FAM219A: variants seen among roughly 807,000 people sequenced by gnomAD.
FAM219A encodes family with sequence similarity 219 member A, also known as protein FAM219A.
A neutral mutation model predicts 23.4 loss-of-function variants in FAM219A; 7 were observed. The ratio of observed to expected loss-of-function variants is 0.30; its 90% CI spans 0.17 to 0.56. FAM219A has a LOEUF of 0.56. Among genes scored for constraint, FAM219A ranks in the 20% least tolerant of loss-of-function variants. The pLI, the probability that FAM219A is intolerant of heterozygous loss-of-function variation, is 0.92. For missense variants in FAM219A, 166 were observed against 246.9 expected (o/e 0.67, Z 2.20); for synonymous variants, 93 against 99.0 (o/e 0.94, Z 0.36).
chr9:34,433,039 A>G (rs932469278), intron 1 of FAM219A, among the ~76,000 whole-genome samples: 1 of 152,186 alleles, frequency 6.6e-6, no homozygotes, highest in Non-Finnish European at 1.5e-5. Context: ...AGTTACAAAG[A>G]AAGTCCAGAG....
intron 1 of FAM219A, among the ~76,000 whole-genome samples, chr9:34,445,803 G>A (rs555298452): frequency 1.2e-4 from 19 of 152,282 alleles, no homozygotes; most frequent in Non-Finnish European, 2.4e-4. Flanking sequence ...TCTATAAAGT[G>A]GGCAAAATGA....
chr9:34,409,925 G>A (rs1270080540), intron 1 of FAM219A, among the ~76,000 whole-genome samples: 1 of 152,142 alleles, frequency 6.6e-6, no homozygotes, highest in Non-Finnish European at 1.5e-5. Flanking sequence ...GTTTTATTGT[G>A]GAAATTATAA....
intron 1 of FAM219A, among the ~76,000 whole-genome samples, chr9:34,410,258 T>C (rs1311168871): frequency 6.6e-6 from 1 of 152,206 alleles, no homozygotes; most frequent in Non-Finnish European, 1.5e-5. Flanking sequence ...TTTAGCTGGC[T>C]GGCCTCACTT....
chr9:34,416,970 G>C (rs915104256), intron 1 of FAM219A, among the ~76,000 whole-genome samples: 2 of 151,806 alleles, frequency 1.3e-5, no homozygotes, highest in African/African-American at 4.8e-5. Flanking sequence ...TGGGATTACA[G>C]GTACATGTCA....
chr9:34,450,221 G>A (rs143002952), intron 1 of FAM219A, among the ~76,000 whole-genome samples: 7,532 of 151,714 alleles, frequency 0.05, 272 homozygotes, highest in Non-Finnish European at 0.065. Context: ...GCTGAGGCAG[G>A]AGGATCGCTT....
chr9:34,434,583 C>T (rs1023482826), intron 1 of FAM219A, among the ~76,000 whole-genome samples: 1 of 152,146 alleles, frequency 6.6e-6, no homozygotes, highest in Non-Finnish European at 1.5e-5. Context: ...CATAAAATGG[C>T]CATACAGAAA....
intron 1 of FAM219A, among the ~76,000 whole-genome samples, chr9:34,406,896 G>A (rs1428348053): frequency 6.7e-6 from 1 of 149,030 alleles, no homozygotes; most frequent in Non-Finnish European, 1.5e-5. Flanking sequence ...TCCGCCTCCC[G>A]GTTTCAAGCA....
At chr9:34,452,290 A>G (rs184652881) in intron 1 of FAM219A, among the ~76,000 whole-genome samples, 346 of 152,278 alleles carry the variant, frequency 2.3e-3, no homozygotes, top group African/African-American at 8.2e-3. Context: ...CACAACCCCA[A>G]GAATGTAGCT....
At chr9:34,425,250 C>A (rs1822415174) in intron 1 of FAM219A, among the ~76,000 whole-genome samples, 1 of 152,070 alleles carries the variant, frequency 6.6e-6, no homozygotes, top group South Asian at 2.1e-4. Context: ...GGGGCCAAGG[C>A]AGGCAGATCA....
In FAM219A at chr9:34,442,459, T is replaced by C. The variant is rs1046476067; in HGVS notation, c.60+15745A>G. 4.5e-4 allele frequency among the ~76,000 whole-genome samples: 69 copies of C among 151,910 alleles called. 1 individual carries two copies. Among genetic ancestry groups the C allele is most frequent in the African/African-American group, 1.6e-3 (66 of 41,472 alleles). On this transcript the variant is annotated intron_variant, in intron 1 of 5. Transcript: ENST00000651358. ...CAGCACTTCGGGAGCCTGCGGCAGG[T>C]GGATCACCTGAGGTCAGGGGTTTGA...
At chr9:34,405,999 AG>A in intron 1 of FAM219A, 35 bp from the exon 2 acceptor site, 1 of 1,570,752 alleles carries the variant, frequency 6.4e-7, no homozygotes. Flanking sequence ...GAGAGTTGTT[AG>A]GGAGTGAAGA....
intron 1 of FAM219A, chr9:34,406,368 G>A: frequency 1.0e-6 from 1 of 985,412 alleles, no homozygotes; most frequent in Non-Finnish European, 1.2e-6. Flanking sequence ...TTAAGTCTGG[G>A]TTAAGGGGAG....
At chr9:34,405,616 C>T (rs1450860429) in intron 2 of FAM219A, among the ~76,000 whole-genome samples, 1 of 152,200 alleles carries the variant, frequency 6.6e-6, no homozygotes, top group African/African-American at 2.4e-5. Context: ...CCCCCTGCAG[C>T]TATGCCCCAG....
In FAM219A at chr9:34,398,306, C is replaced by G; in HGVS notation, c.*2658G>C. The G allele has an allele frequency of 6.4e-7, 1 of 1,550,860 alleles. No homozygotes were observed. The highest frequency in any genetic ancestry group is 8.7e-7 in the Non-Finnish European group (1 of 1,147,042). On this transcript the variant is annotated 3_prime_UTR_variant, in exon 6 of 6. Transcript: ENST00000651358. ...ATACACGGCTCATGTCTTCCACACA[C>G]CTTCCTGGAAATAAATTAGTGAGCA...
At position 34,400,875 on chromosome 9, in the gene FAM219A, C is replaced by G. The variant is rs1168078132; in HGVS notation, c.*89G>C. The G allele has an allele frequency of 1.5e-6, 2 of 1,353,204 alleles. No homozygotes were observed. Among genetic ancestry groups the G allele is most frequent in the African/African-American group, 3.0e-5 (2 of 66,146 alleles). The allele number at this position is 1,353,204 out of a possible 1,614,324, so 83.8% of individuals were successfully genotyped here. A position where few individuals can be genotyped will look rare whatever the true frequency, so the allele number is the denominator to read the frequency against. On this transcript the variant is annotated 3_prime_UTR_variant, in exon 6 of 6. Coordinates refer to ENST00000651358, the MANE Select transcript of FAM219A (RefSeq NM_001184940.2). ...GGCTGTAGGGGCGCGGGGCCGGGGG[C>G]AGGCAGACGAGCTGGGAAGGGGTCG...
At chr9:34,416,717 AAC>A (rs1188856456) in intron 1 of FAM219A, among the ~76,000 whole-genome samples, 1 of 150,726 alleles carries the variant, frequency 6.6e-6, no homozygotes, top group Non-Finnish European at 1.5e-5. Flanking sequence ...CAGCCTGGGC[AAC>A]AAAGTGAGAC....
In FAM219A at chr9:34,408,317, T is replaced by TGCAGCCAAAACAGCCTCTCA. The variant is rs545548346; in HGVS notation, c.61-2373_61-2354dup. On this transcript the variant is annotated intron_variant, in intron 1 of 5. Transcript: ENST00000651358. ...CTCTAGTGGCCCTGACATGCCTCTC[T>TGCAGCCAAAACAGCCTCTCA]GCAGCCAAAACAGCCTCTCAGCAGC... is the stretch of plus-strand genomic sequence containing the variant. 4.3e-3 allele frequency among the ~76,000 whole-genome samples: 656 copies of TGCAGCCAAAACAGCCTCTCA among 152,320 alleles called. 2 individuals are homozygous for TGCAGCCAAAACAGCCTCTCA. The highest frequency in any genetic ancestry group is 5.8e-3 in the Non-Finnish European group (397 of 68,024).
Position 34,458,557 on chromosome 9 carries a change from C to CA in FAM219A, c.-295dup, listed in dbSNP as rs1382120870. 3 of 395,686 alleles carry CA rather than the reference C, an allele frequency of 7.6e-6. No individual in the cohort carries two copies. Among genetic ancestry groups the CA allele is most frequent in the African/African-American group, 6.2e-5 (3 of 48,470 alleles). 24.5% of individuals were successfully genotyped at this position (395,686 alleles called of 1,614,324 possible). On this transcript the variant is annotated 5_prime_UTR_variant, in exon 1 of 6. Transcript: ENST00000651358. The surrounding 1 kb of genome is among the most constrained non-coding windows in gnomAD (Gnocchi z 6.6). ...TGCCGCCTCCTGTCAGCAGCTCAGC[C>CA]ACTGCGGTGACTCGGCAACTCCACT...
intron 1 of FAM219A, among the ~76,000 whole-genome samples, chr9:34,416,983 G>A (rs1396177460): frequency 6.6e-6 from 1 of 151,344 alleles, no homozygotes; most frequent in African/African-American, 2.4e-5. Flanking sequence ...ACATGTCACT[G>A]CACCTAGCTT....
Sources: allele counts gnomAD v4.1 joint callset (sites outside exome capture counted in the v4.1 genomes callset), GRCh38; gene constraint gnomAD v4.1.1; non-coding constraint Gnocchi (gnomAD v3.1); transcripts MANE v1.5; gene names NCBI Gene and HGNC (gene_info 2026-07-23, HGNC 2026-07-21).